The following GRHL2 variants were observed in gnomAD, a reference collection of about 807,000 sequenced individuals.
The protein encoded by GRHL2 is grainyhead-like protein 2 homolog.
In GRHL2, 21 loss-of-function variants were observed where a neutral mutation model predicts 83.8. The observed-to-expected ratio is 0.25, with a 90% CI of 0.18 to 0.36. The LOEUF is 0.36. Ranked by LOEUF, GRHL2 falls within the 10% of genes least tolerant of loss-of-function variation. The pLI is 1.00. For missense variants in GRHL2, 623 were observed against 781.8 expected (o/e 0.80, Z 2.42); for synonymous variants, 280 against 278.9 (o/e 1.00, Z -0.04).
intron 1 of GRHL2, among the ~76,000 whole-genome samples, chr8:101,536,423 G>A (rs1193287287): frequency 6.6e-6 from 1 of 152,198 alleles, no homozygotes; most frequent in Non-Finnish European, 1.5e-5. Context: ...ATAATAGCTA[G>A]CATGTATGCA....
chr8:101,539,471 G>T (rs369616319), intron 1 of GRHL2, among the ~76,000 whole-genome samples: 1 of 152,114 alleles, frequency 6.6e-6, no homozygotes, highest in African/African-American at 2.4e-5. Flanking sequence ...ATCGTGGGGG[G>T]CCGGTGACAT....
chr8:101,533,952 T>C (rs1308820768), intron 1 of GRHL2, among the ~76,000 whole-genome samples: 2 of 152,130 alleles, frequency 1.3e-5, no homozygotes, highest in Non-Finnish European at 2.9e-5. Context: ...CCATCACTTC[T>C]ATTCTAAAGG....
chr8:101,515,002 C>T (rs946171022), intron 1 of GRHL2, among the ~76,000 whole-genome samples: 4 of 149,910 alleles, frequency 2.7e-5, no homozygotes, highest in Non-Finnish European at 5.9e-5. Context: ...CCTGCTTCCT[C>T]CCTTCCTTCC....
chr8:101,583,565 G>C (rs1206161965), intron 7 of GRHL2, among the ~76,000 whole-genome samples: 2 of 152,030 alleles, frequency 1.3e-5, no homozygotes, highest in Non-Finnish European at 1.5e-5. Flanking sequence ...TGATTTTGAG[G>C]CACCGTCTAC....
intron 2 of GRHL2, among the ~76,000 whole-genome samples, chr8:101,551,980 T>C (rs375929347): frequency 1.1e-4 from 16 of 151,608 alleles, no homozygotes; most frequent in Non-Finnish European, 1.8e-4. Flanking sequence ...GGACTACAGG[T>C]GCCTGCCACC....
intron 9 of GRHL2, among the ~76,000 whole-genome samples, chr8:101,624,784 G>C (rs932313768): frequency 1.3e-5 from 2 of 152,170 alleles, no homozygotes; most frequent in South Asian, 4.1e-4. Context: ...CAGTTGAATA[G>C]AAATGGTGAA....
intron 1 of GRHL2, among the ~76,000 whole-genome samples, chr8:101,523,271 G>A (rs1810729510): frequency 6.6e-6 from 1 of 151,692 alleles, no homozygotes; most frequent in African/African-American, 2.4e-5. Flanking sequence ...TACAGGTGAA[G>A]AGAGAAAGGT....
chr8:101,677,478 C>G, the GRHL2 span, among the ~76,000 whole-genome samples: 2 of 151,414 alleles, frequency 1.3e-5, no homozygotes, highest in African/African-American at 2.4e-5. Context: ...GTTCGGCTGC[C>G]ACTAAACACT....
At chr8:101,540,997 G>T (rs1465896749) in intron 1 of GRHL2, among the ~76,000 whole-genome samples, 3 of 152,028 alleles carry the variant, frequency 2.0e-5, no homozygotes, top group Non-Finnish European at 4.4e-5. Flanking sequence ...TAGCTGCTTA[G>T]CTCCCACTTA....
At chr8:101,511,941 A>G (rs1295044768) in intron 1 of GRHL2, among the ~76,000 whole-genome samples, 1 of 152,208 alleles carries the variant, frequency 6.6e-6, no homozygotes, top group African/African-American at 2.4e-5. Flanking sequence ...GCAATACATA[A>G]TATTTCCCTC....
chr8:101,659,573 G>A (rs1813874956), intron 14 of GRHL2, among the ~76,000 whole-genome samples: 1 of 152,194 alleles, frequency 6.6e-6, no homozygotes, highest in Admixed American at 6.5e-5. Context: ...TATGTCTGGG[G>A]TTCTTTTTCC....
At chr8:101,504,872 C>A (rs115316754) in intron 1 of GRHL2, among the ~76,000 whole-genome samples, 6,041 of 151,540 alleles carry the variant, frequency 0.04, 395 homozygotes, top group African/African-American at 0.14. Context: ...TGCTTATCAA[C>A]CTATCCAAGA....
chr8:101,573,240 CA>C (rs76573673), intron 5 of GRHL2, among the ~76,000 whole-genome samples: 13,724 of 78,820 alleles, frequency 0.17, 573 homozygotes, highest in African/African-American at 0.28. Flanking sequence ...CTTGGTTAGA[CA>C]AAAAAAAAAA....
rs376663921 is a variant in GRHL2, at chr8:101,577,430, G to C, written c.914G>C (p.Ser305Thr). Residue 305 changes from serine to threonine, a missense_variant, in exon 7 of 16, where the codon AGT becomes ACT. By Grantham distance (58) the Ser-to-Thr change is moderately conservative. Coordinates refer to ENST00000646743, the MANE Select transcript of GRHL2 (RefSeq NM_024915.4). ...CAGAGTGTGGTGATGGTGGTCTTCAGTGAAGACAAAAACAGAGATGAACAG... is the reference window on the plus strand; with the variant it reads ...CAGAGTGTGGTGATGGTGGTCTTCACTGAAGACAAAAACAGAGATGAACAG... Reference protein sequence around the residue: ...KVRSVVMVVFSEDKNRDEQLK... With the variant: ...KVRSVVMVVFTEDKNRDEQLK... 6.2e-7 allele frequency: 1 copy of C among 1,612,296 alleles called. No homozygotes were observed. Among genetic ancestry groups the C allele is most frequent in the Non-Finnish European group, 8.5e-7 (1 of 1,178,354 alleles).
At chr8:101,516,266 A>T (rs2130027437) in intron 1 of GRHL2, among the ~76,000 whole-genome samples, 1 of 152,310 alleles carries the variant, frequency 6.6e-6, no homozygotes, top group Admixed American at 6.5e-5. Context: ...TTAAAATATA[A>T]TTTTAATTTT....
chr8:101,617,714 A>G (rs1812884004), intron 8 of GRHL2, among the ~76,000 whole-genome samples: 1 of 152,164 alleles, frequency 6.6e-6, no homozygotes, highest in African/African-American at 2.4e-5. Flanking sequence ...TATGTTGCCC[A>G]GGCTGATCTC....
intron 1 of GRHL2, among the ~76,000 whole-genome samples, chr8:101,533,034 C>T (rs1018741916): frequency 1.3e-5 from 2 of 152,098 alleles, no homozygotes; most frequent in African/African-American, 4.8e-5. Context: ...AATATCAGGC[C>T]TTTGCTGATT....
intron 8 of GRHL2, among the ~76,000 whole-genome samples, chr8:101,613,914 T>G (rs1339678666): frequency 1.3e-5 from 2 of 151,032 alleles, no homozygotes; most frequent in Non-Finnish European, 2.9e-5. Context: ...AGAAACATCT[T>G]AAAAGTGCAA....
chr8:101,645,219 A>ACCTCCTGGGTTCAAGTGATTCT (rs1813487804), intron 13 of GRHL2, among the ~76,000 whole-genome samples: 1 of 138,668 alleles, frequency 7.2e-6, no homozygotes, highest in African/African-American at 2.7e-5. Context: ...TGCAACCTCC[A>ACCTCCTGGGTTCAAGTGATTCT]CCTCCTGGGT....
Sources: gnomAD v4.1 joint callset for allele counts (sites outside exome capture counted in the v4.1 genomes callset) on GRCh38, gnomAD v4.1.1 for gene constraint, MANE v1.5 for transcripts, NCBI Gene and HGNC (gene_info 2026-07-23, HGNC 2026-07-21) for gene names.